Variants in ALKBH4 observed in about 807,000 individuals in gnomAD.
ALKBH4 encodes alpha-ketoglutarate-dependent dioxygenase alkB homolog 4.
In ALKBH4, 8 loss-of-function variants were observed where a neutral mutation model predicts 12.1. That is an observed-to-expected ratio of 0.66 (90% CI 0.39 to 1.19). The LOEUF is 1.19. ALKBH4 is among the 50% of genes most tolerant of loss of function. ALKBH4 has a pLI of 0.01. For synonymous variants in ALKBH4, 195 were observed against 191.6 expected (o/e 1.02, Z -0.15); for missense variants, 403 against 430.4 (o/e 0.94, Z 0.56).
chr7:102,459,828 C>A, intron 1 of ALKBH4, 27 bp from the exon 2 acceptor site: 1 of 1,562,596 alleles, frequency 6.4e-7, no homozygotes, highest in Non-Finnish European at 8.7e-7. Flanking sequence ...AGTCCACAGG[C>A]TGGGCAACAC....
At position 102,460,147 on chromosome 7, in the gene ALKBH4, CA is replaced by C. The variant is rs55976687; in HGVS notation, c.124-347del. On this transcript the variant is annotated intron_variant, in intron 1 of 2. Transcript: ENST00000292566. ...CCAGCCTGGGCGACAGAGTGAGACT[CA>C]AAAAAAAAAAAAAAGTTTAAATAAA... 5.5e-3 allele frequency among the ~76,000 whole-genome samples: 737 copies of C among 133,252 alleles called. 7 individuals are homozygous for C. The highest frequency in any genetic ancestry group is 0.017 in the African/African-American group (599 of 34,872). The allele number at this position is 133,252 out of a possible 152,430, so 87.4% of individuals were successfully genotyped here. A position where few individuals can be genotyped will look rare whatever the true frequency, so the allele number is the denominator to read the frequency against.
chr7:102,464,842 C>G lies in ALKBH4; in HGVS notation c.-6G>C, dbSNP rs1341218677. 4.6e-6 allele frequency: 7 copies of G among 1,508,104 alleles called. No homozygotes were observed. Among genetic ancestry groups the G allele is most frequent in the Non-Finnish European group, 6.2e-6 (7 of 1,133,044 alleles). The allele number at this position is 1,508,104 out of a possible 1,614,324, so 93.4% of individuals were successfully genotyped here. On this transcript the variant is annotated 5_prime_UTR_variant, in exon 1 of 3. Coordinates refer to ENST00000292566, the MANE Select transcript of ALKBH4 (RefSeq NM_017621.4). ...TCGGCGGCAGCCGCCGCCATCGCGCCGTCCGCGTGGCCAGTGCGCAGGCGC... is the reference window on the plus strand; with the variant it reads ...TCGGCGGCAGCCGCCGCCATCGCGCGGTCCGCGTGGCCAGTGCGCAGGCGC...
chr7:102,464,837 C>T lies in ALKBH4; in HGVS notation c.-1G>A. The T allele has an allele frequency of 2.6e-6, 4 of 1,510,028 alleles. No individual in the cohort carries two copies. The highest frequency in any genetic ancestry group is 1.4e-5 in the African/African-American group (1 of 69,312). The allele number at this position is 1,510,028 out of a possible 1,614,324, so 93.5% of individuals were successfully genotyped here. Reference sequence around the variant, plus strand: ...GGGTCTCGGCGGCAGCCGCCGCCATCGCGCCGTCCGCGTGGCCAGTGCGCA... The same window carrying T: ...GGGTCTCGGCGGCAGCCGCCGCCATTGCGCCGTCCGCGTGGCCAGTGCGCA... On this transcript the variant is annotated 5_prime_UTR_variant, in exon 1 of 3. Transcript: ENST00000292566.
intron 2 of ALKBH4, 51 bp downstream of exon 2, chr7:102,459,553 C>T (rs745696485): frequency 6.4e-7 from 1 of 1,556,326 alleles, no homozygotes; most frequent in Non-Finnish European, 8.7e-7. Flanking sequence ...AGCAGTAGGG[C>T]TGTCTCCTCA....
intron 1 of ALKBH4, among the ~76,000 whole-genome samples, chr7:102,462,757 C>T (rs1420964968): frequency 6.6e-6 from 1 of 152,144 alleles, no homozygotes; most frequent in Admixed American, 6.6e-5. Context: ...AAAACTGAAA[C>T]TCTTTCCCTA....
intron 2 of ALKBH4, 121 bp downstream of exon 2, chr7:102,459,483 T>C (rs1217142618): frequency 1.6e-6 from 2 of 1,269,884 alleles, no homozygotes; most frequent in African/African-American, 1.5e-5. Flanking sequence ...TCTGGGGAAC[T>C]CGCCCACTAC....
chr7:102,464,564 T>G, intron 1 of ALKBH4, 150 bp downstream of exon 1: 2 of 1,220,572 alleles, frequency 1.6e-6, no homozygotes. Context: ...AGCCCGCTCC[T>G]TAAAGCCCTC....
Position 102,459,673 on chromosome 7 carries a change from T to C in ALKBH4, c.252A>G (p.Glu84=). ...MLIEDFVTRE[E]EAELVRLMDR... is the part of the protein sequence containing the mutation. The stretch of plus-strand genomic sequence containing the variant: ...CCATGAGCCGCACCAACTCGGCTTC[T>C]TCCTCCCGGGTCACAAAGTCCTCGA... The change falls in exon 2 of 3, where the codon GAA becomes GAG. Residue 84 remains glutamate (E), a synonymous_variant. Transcript: ENST00000292566. 6.2e-7 allele frequency: 1 copy of C among 1,614,176 alleles called. No individual in the cohort carries two copies. The highest frequency in any genetic ancestry group is 1.1e-5 in the South Asian group (1 of 91,090).
chr7:102,464,821 C>T lies in ALKBH4; in HGVS notation c.16G>A (p.Ala6Thr), dbSNP rs544736620. 5.2e-6 allele frequency: 8 copies of T among 1,527,124 alleles called. No homozygotes were observed. The East Asian group carries it at 1.4e-4, about 26-fold the overall frequency. The allele number at this position is 1,527,124 out of a possible 1,614,324, so 94.6% of individuals were successfully genotyped here. ...TCCCGAAGGACTTCGGGGGTCTCGG[C>T]GGCAGCCGCCGCCATCGCGCCGTCC... Reference protein sequence around the residue: MAAAAAETPEVLRECG... With the variant: MAAAATETPEVLRECG... Residue 6 changes from alanine to threonine, a missense_variant, in exon 1 of 3, where the codon GCC becomes ACC. Physicochemically the swap from Ala to Thr is moderately conservative, Grantham distance 58 (BLOSUM62 0). Coordinates refer to ENST00000292566, the MANE Select transcript of ALKBH4 (RefSeq NM_017621.4).
chr7:102,464,575 A>C, intron 1 of ALKBH4, 139 bp downstream of exon 1: 2 of 1,280,526 alleles, frequency 1.6e-6, no homozygotes, highest in East Asian at 2.9e-5. Flanking sequence ...TAAAGCCCTC[A>C]TCTCCTCACC....
chr7:102,459,406 G>A (rs1258642149), intron 2 of ALKBH4, 198 bp downstream of exon 2: 6 of 585,084 alleles, frequency 1.0e-5, no homozygotes, highest in Non-Finnish European at 1.5e-5. Context: ...GAGATGGGGT[G>A]CCCAGGTGCA....
intron 2 of ALKBH4, 77 bp downstream of exon 2, chr7:102,459,527 G>C: frequency 6.7e-7 from 1 of 1,500,408 alleles, no homozygotes; most frequent in Non-Finnish European, 9.0e-7. Context: ...TGGCTGCAAG[G>C]AGGGGGATGG....
At chr7:102,460,401 A>G (rs1469067089) in intron 1 of ALKBH4, among the ~76,000 whole-genome samples, 1 of 150,874 alleles carries the variant, frequency 6.6e-6, no homozygotes, top group African/African-American at 2.4e-5. Context: ...GTGTGCCCTC[A>G]GGAGACCCTC....
rs189000631 is a variant in ALKBH4 at position 102,457,700 on chromosome 7, C to G, written c.603G>C (p.Leu201=). 1 of 1,555,626 alleles carries G rather than the reference C, an allele frequency of 6.4e-7. No homozygotes were observed. The highest frequency in any genetic ancestry group is 8.7e-7 in the Non-Finnish European group (1 of 1,154,790). The change falls in exon 3 of 3, where the codon CTG becomes CTC. Residue 201 remains leucine, a synonymous_variant. Coordinates refer to ENST00000292566, the MANE Select transcript of ALKBH4 (RefSeq NM_017621.4). This position sits in a 1 kb window ranked among gnomAD's most constrained non-coding sequence, Gnocchi z 5.9. ...CAGCCGACGGGGCCGAGCAGAGGAGCAGGCTCCCGGGCGCCTCCCGACACA... is the reference window on the plus strand; with the variant it reads ...CAGCCGACGGGGCCGAGCAGAGGAGGAGGCTCCCGGGCGCCTCCCGACACA... ...LSMCREAPGS[L]LLCSAPSAAP...
intron 2 of ALKBH4, among the ~76,000 whole-genome samples, chr7:102,459,165 A>C (rs1035979129): frequency 1.3e-5 from 2 of 150,376 alleles, no homozygotes; most frequent in East Asian, 1.9e-4. Context: ...AAAAAAAAAA[A>C]CCTACAATGA....
chr7:102,459,647 T>A lies in ALKBH4; in HGVS notation c.278A>T (p.Asp93Val), dbSNP rs761603217. The change falls in exon 2 of 3, where the codon GAC becomes GTC. Residue 93 changes from aspartate to valine, a missense_variant. By Grantham distance (152) the Asp-to-Val change is radical (BLOSUM62 -3). Transcript: ENST00000292566. ...EEEAELVRLM[D>V]RDPWKLSQSG... ...CTGGGAGAGCTTCCAGGGGTCACGGTCCATGAGCCGCACCAACTCGGCTTC... is the reference window on the plus strand; with the variant it reads ...CTGGGAGAGCTTCCAGGGGTCACGGACCATGAGCCGCACCAACTCGGCTTC... The A allele has an allele frequency of 6.2e-7, 1 of 1,614,118 alleles. No individual in the cohort carries two copies. The highest frequency in any genetic ancestry group is 8.5e-7 in the Non-Finnish European group (1 of 1,179,990).
chr7:102,463,418 C>T (rs952351629), intron 1 of ALKBH4, among the ~76,000 whole-genome samples: 1 of 148,788 alleles, frequency 6.7e-6, no homozygotes, highest in Non-Finnish European at 1.5e-5. Context: ...CAACCTCTGC[C>T]TCCTGGGTTC....
chr7:102,462,818 T>C lies in ALKBH4; in HGVS notation c.123+1896A>G, dbSNP rs115160515. 5.6e-3 allele frequency among the ~76,000 whole-genome samples: 856 copies of C among 152,322 alleles called. 9 individuals carry two copies. The highest frequency in any genetic ancestry group is 0.019 in the African/African-American group (808 of 41,582). On this transcript the variant is annotated intron_variant, in intron 1 of 2. Transcript: ENST00000292566. ...TTCCTGAGCCCTTGGCAACAACCCT[T>C]CTACTTTCTGTCCCTGTGACTACCC...
At position 102,457,850 on chromosome 7, in the gene ALKBH4, G is replaced by C. The variant is rs143398138; in HGVS notation, c.453C>G (p.Val151=). The change falls in exon 3 of 3, where the codon GTC becomes GTG. Residue 151 remains valine, a synonymous_variant. Transcript: ENST00000292566. This position sits in a 1 kb window ranked among gnomAD's most constrained non-coding sequence, Gnocchi z 5.9. ...GGCAGTAGTCCAGGTTGCACTGCTC[G>C]ACGGGCCGGAAGCCCTCCAGCCCCG... ...LYPGLEGFRP[V]EQCNLDYCPE... The C allele has an allele frequency of 1.2e-5, 19 of 1,611,564 alleles. No individual in the cohort carries two copies. The highest frequency in any genetic ancestry group is 1.6e-5 in the Non-Finnish European group (19 of 1,179,956).
Sources: allele counts gnomAD v4.1 joint callset (sites outside exome capture counted in the v4.1 genomes callset), GRCh38; gene constraint gnomAD v4.1.1; non-coding constraint Gnocchi (gnomAD v3.1); transcripts MANE v1.5; gene names NCBI Gene and HGNC (gene_info 2026-07-23, HGNC 2026-07-21).